The following CHST9 variants were observed in gnomAD, a reference collection of about 807,000 sequenced individuals.
CHST9 encodes the protein GalNAc-4-sulfotransferase 2.
Under a neutral mutation model 44.4 loss-of-function variants are expected in CHST9, and 41 were observed. That is an observed-to-expected ratio of 0.92 (90% confidence interval 0.72 to 1.20). CHST9 has a LOEUF of 1.20. Among genes scored for constraint, CHST9 ranks in the 50% most tolerant of loss-of-function variants. CHST9 has a pLI of 0.00. For synonymous variants in CHST9, 171 were observed against 178.4 expected (o/e 0.96, Z 0.33); for missense variants, 504 against 516.5 (o/e 0.98, Z 0.23).
rs56288802 is a variant in CHST9 at position 26,912,374 on chromosome 18, TACACACACACACAC to T, written c.*3871_*3884del. ...GAAATGTGATAACTAACTAGCTAAA[TACACACACACACAC>T]ACACACACACACACACACACACACA... On this transcript the variant is annotated 3_prime_UTR_variant, in exon 6 of 6. Coordinates refer to ENST00000618847, the MANE Select transcript of CHST9 (RefSeq NM_031422.6). 8.5e-6 allele frequency: 1 copy of T among 117,136 alleles called. No individual in the cohort carries two copies. The highest frequency in any genetic ancestry group is 1.9e-5 in the Non-Finnish European group (1 of 52,206). The allele number at this position is 117,136 out of a possible 1,614,324, so 7.3% of individuals were successfully genotyped here.
At chr18:27,001,381 C>G (rs564925311) in intron 4 of CHST9, among the ~76,000 whole-genome samples, 162 of 152,270 alleles carry the variant, frequency 1.1e-3, no homozygotes, top group Admixed American at 1.8e-3. Context: ...GATGCTGCAT[C>G]TAGTCCAAGA....
At chr18:26,998,139 C>T (rs920514157) in intron 4 of CHST9, among the ~76,000 whole-genome samples, 6 of 152,304 alleles carry the variant, frequency 3.9e-5, no homozygotes, top group African/African-American at 1.4e-4. Flanking sequence ...GGGTGATGGG[C>T]ATGGAGCTCT....
intron 2 of CHST9, among the ~76,000 whole-genome samples, chr18:27,088,259 C>A (rs2058032103): frequency 6.6e-6 from 1 of 152,110 alleles, no homozygotes. Flanking sequence ...AGATAAGGGA[C>A]ACAAAACTAC....
At chr18:27,011,474 A>T (rs2057084061) in intron 4 of CHST9, among the ~76,000 whole-genome samples, 1 of 152,144 alleles carries the variant, frequency 6.6e-6, no homozygotes, top group East Asian at 1.9e-4. Context: ...AGGCTGGGGA[A>T]AAAAACAGAC....
chr18:27,182,595 T>C (rs888952467), intron 1 of CHST9, among the ~76,000 whole-genome samples: 1 of 152,202 alleles, frequency 6.6e-6, no homozygotes, highest in Non-Finnish European at 1.5e-5. Context: ...GTAACTTAAT[T>C]TGGAATGATA....
At chr18:26,970,445 T>C (rs1464543008) in intron 4 of CHST9, among the ~76,000 whole-genome samples, 1 of 152,186 alleles carries the variant, frequency 6.6e-6, no homozygotes, top group Admixed American at 6.5e-5. Context: ...ATTATTATTT[T>C]TGAGACAGGG....
intron 4 of CHST9, among the ~76,000 whole-genome samples, chr18:26,954,183 G>A (rs2056290520): frequency 6.6e-6 from 1 of 152,160 alleles, no homozygotes; most frequent in Non-Finnish European, 1.5e-5. Context: ...CTGGGGCCCT[G>A]TCCTTACCTC....
chr18:27,045,954 A>T (rs2057495050), intron 3 of CHST9, among the ~76,000 whole-genome samples: 1 of 152,074 alleles, frequency 6.6e-6, no homozygotes, highest in Non-Finnish European at 1.5e-5. Context: ...AATCTTTGGA[A>T]CATGATTCAC....
intron 1 of CHST9, among the ~76,000 whole-genome samples, chr18:27,183,128 G>T (rs2143989523): frequency 6.6e-6 from 1 of 151,474 alleles, no homozygotes; most frequent in South Asian, 2.1e-4. Context: ...GGGGGGTGGG[G>T]GGAAAGCAAT....
At chr18:27,117,267 T>C (rs551778177) in intron 2 of CHST9, among the ~76,000 whole-genome samples, 1 of 152,220 alleles carries the variant, frequency 6.6e-6, no homozygotes, top group African/African-American at 2.4e-5. Context: ...TTTTTTAGAG[T>C]AGTTTTAGGT....
rs2055431266 is a variant in CHST9, at chr18:26,910,867, CA to C, written c.*5391del. The stretch of plus-strand genomic sequence containing the variant: ...CTTCATGTCATTAAATGAATGTATG[CA>C]AAGTATTTTTCCCGTGTCTGCTACT... On this transcript the variant is annotated 3_prime_UTR_variant, in exon 6 of 6. Transcript: ENST00000618847. 6.6e-6 allele frequency: 1 copy of C among 152,156 alleles called. No individual in the cohort carries two copies. The highest frequency in any genetic ancestry group is 1.5e-5 in the Non-Finnish European group (1 of 68,040). 9.4% of individuals were successfully genotyped at this position (152,156 alleles called of 1,614,324 possible). A position where few individuals can be genotyped will look rare whatever the true frequency, so the allele number is the denominator to read the frequency against.
intron 5 of CHST9, among the ~76,000 whole-genome samples, chr18:26,930,381 G>A (rs564694445): frequency 6.6e-6 from 1 of 152,332 alleles, no homozygotes; most frequent in South Asian, 2.1e-4. Context: ...GAAGACAGGA[G>A]TCAAGTGGGT....
chr18:27,068,428 T>G (rs1255376548), intron 2 of CHST9, among the ~76,000 whole-genome samples: 1 of 149,658 alleles, frequency 6.7e-6, no homozygotes, highest in Non-Finnish European at 1.5e-5. Flanking sequence ...TTTTGTGTTA[T>G]GTGTGCTGAT....
At chr18:27,056,377 T>C (rs1488734587) in intron 2 of CHST9, among the ~76,000 whole-genome samples, 1 of 152,130 alleles carries the variant, frequency 6.6e-6, no homozygotes, top group African/African-American at 2.4e-5. Context: ...ATCCAGAGAT[T>C]TTTACCTTTT....
chr18:26,949,699 A>C (rs1036566591), intron 4 of CHST9, among the ~76,000 whole-genome samples: 95 of 152,216 alleles, frequency 6.2e-4, no homozygotes, highest in African/African-American at 2.1e-3. Context: ...CAGCCTGTGA[A>C]TACGGGACCT....
chr18:26,943,064 T>C (rs930662280), intron 5 of CHST9, among the ~76,000 whole-genome samples: 3 of 151,930 alleles, frequency 2.0e-5, no homozygotes, highest in Admixed American at 6.6e-5. Flanking sequence ...GCCAAGATTG[T>C]GTCACTGCAC....
At chr18:27,002,150 G>T (rs979660355) in intron 4 of CHST9, among the ~76,000 whole-genome samples, 4 of 151,906 alleles carry the variant, frequency 2.6e-5, no homozygotes, top group Non-Finnish European at 5.9e-5. Context: ...GAGAAACAAT[G>T]TAAGTGAGCT....
intron 3 of CHST9, among the ~76,000 whole-genome samples, 183 bp downstream of exon 3, chr18:27,048,282 A>G (rs959483060): frequency 6.6e-6 from 1 of 152,210 alleles, no homozygotes; most frequent in Admixed American, 6.6e-5. Context: ...TGAAAAGGGC[A>G]TAACTGATGT....
At chr18:27,158,077 G>A (rs569811282) in intron 1 of CHST9, among the ~76,000 whole-genome samples, 2 of 152,048 alleles carry the variant, frequency 1.3e-5, no homozygotes, top group African/African-American at 4.8e-5. Context: ...AATTTTACAA[G>A]AGAGACATCA....
Sources: gnomAD v4.1 joint callset for allele counts (sites outside exome capture counted in the v4.1 genomes callset) on GRCh38, gnomAD v4.1.1 for gene constraint, MANE v1.5 for transcripts, NCBI Gene and HGNC (gene_info 2026-07-23, HGNC 2026-07-21) for gene names.